GAST: variants seen among roughly 807,000 people sequenced by gnomAD.
GAST encodes preprogastrin.
Under a neutral mutation model 12.5 loss-of-function variants are expected in GAST, and 9 were observed. The ratio of observed to expected loss-of-function variants is 0.72; its 90% confidence interval spans 0.43 to 1.25. The LOEUF is 1.25. Ranked by LOEUF, GAST falls within the 50% of genes most tolerant of loss-of-function variation. GAST has a pLI of 0.00. For synonymous variants in GAST, 52 were observed against 51.1 expected (o/e 1.02, Z -0.08); for missense variants, 121 against 127.7 (o/e 0.95, Z 0.25).
In GAST at chr17:41,715,648, G is replaced by A. The variant is rs1555585805; in HGVS notation, c.211+1G>A. The A allele has an allele frequency of 6.2e-7, 1 of 1,613,212 alleles. No homozygotes were observed. Among genetic ancestry groups the A allele is most frequent in the Non-Finnish European group, 8.5e-7 (1 of 1,179,540 alleles). ...CAGGGTCCCCCACACCTCGTGGCAG[G>A]TAGGAGCTGCTGACTGCCCTGCTTG... On this transcript the variant is annotated splice_donor_variant, in intron 2 of 2. Transcript: ENST00000329402. LOFTEE classifies it high-confidence loss of function.
chr17:41,712,826 C>T (rs1373089210), intron 1 of GAST, among the ~76,000 whole-genome samples: 2 of 152,210 alleles, frequency 1.3e-5, no homozygotes, highest in Non-Finnish European at 2.9e-5. Context: ...TCCAAAAGAA[C>T]GTCCTATGAT....
chr17:41,714,441 G>A (rs1235843322), intron 1 of GAST, among the ~76,000 whole-genome samples: 5 of 152,060 alleles, frequency 3.3e-5, no homozygotes, highest in Non-Finnish European at 4.4e-5. Flanking sequence ...CCAAAGTGCT[G>A]GGATTACCAT....
chr17:41,715,193 T>TGGA (rs1910941331), intron 1 of GAST, among the ~76,000 whole-genome samples: 1 of 151,788 alleles, frequency 6.6e-6, no homozygotes, highest in Non-Finnish European at 1.5e-5. Context: ...ACAGATATTC[T>TGGA]GGAGGCTGAG....
Position 41,715,960 on chromosome 17 carries a change from T to C in GAST, c.*88T>C. The stretch of plus-strand genomic sequence containing the variant: ...AAAAACTGATCAAAAATAAACTAGT[T>C]TCCAGTGGATCAATGGACTGTGTCA... On this transcript the variant is annotated 3_prime_UTR_variant, in exon 3 of 3. Transcript: ENST00000329402. 1.0e-6 allele frequency: 1 copy of C among 957,418 alleles called. No homozygotes were observed. The highest frequency in any genetic ancestry group is 1.6e-6 in the Non-Finnish European group (1 of 640,940). 59.3% of individuals were successfully genotyped at this position (957,418 alleles called of 1,614,324 possible).
Position 41,715,892 on chromosome 17 carries a change from C to G in GAST, c.*20C>G, listed in dbSNP as rs896374794. On this transcript the variant is annotated 3_prime_UTR_variant, in exon 3 of 3. Coordinates refer to ENST00000329402, the MANE Select transcript of GAST (RefSeq NM_000805.5). ...AACTAACAATCCTAGAACCAAGCTT[C>G]AGAGCCTAGCCACCTCCCACCCCAC... 5 of 1,570,378 alleles carry G rather than the reference C, an allele frequency of 3.2e-6. No homozygotes were observed. In the African/African-American group the frequency reaches 6.9e-5, roughly 22 times the overall value.
chr17:41,715,531 C>T lies in GAST; in HGVS notation c.95C>T (p.Ala32Val), dbSNP rs1555585759. Residue 32 changes from alanine (A) to valine (V), a missense_variant, in exon 2 of 3, where the codon GCA (alanine) becomes GTA (valine). Physicochemically the swap from Ala to Val is moderately conservative, Grantham distance 64 (BLOSUM62 0). Transcript: ENST00000329402. ...SWKPRSQQPDAPLGTGANRDL... is the reference protein window; with the variant it reads ...SWKPRSQQPDVPLGTGANRDL... The stretch of plus-strand genomic sequence containing the variant: ...AAGCCCCGCTCCCAGCAGCCAGATG[C>T]ACCCTTAGGTACAGGGGCCAACAGG... 6.2e-7 allele frequency: 1 copy of T among 1,613,600 alleles called. No homozygotes were observed. The highest frequency in any genetic ancestry group is 2.2e-5 in the East Asian group (1 of 44,864).
At chr17:41,714,630 C>T (rs537646337) in intron 1 of GAST, among the ~76,000 whole-genome samples, 2 of 152,102 alleles carry the variant, frequency 1.3e-5, no homozygotes, top group Non-Finnish European at 2.9e-5. Context: ...AAAAAATTAG[C>T]TGGACGTGGT....
Position 41,715,866 on chromosome 17 carries a change from G to A in GAST, c.300G>A (p.Glu100=). 1 of 1,602,620 alleles carries A rather than the reference G, an allele frequency of 6.2e-7. No individual in the cohort carries two copies. Among genetic ancestry groups the A allele is most frequent in the Non-Finnish European group, 8.5e-7 (1 of 1,176,158 alleles). Residue 100 remains glutamate, a synonymous_variant, in exon 3 of 3, where the codon GAG becomes GAA. Coordinates refer to ENST00000329402, the MANE Select transcript of GAST (RefSeq NM_000805.5). ...MDFGRRSAED[E]N The stretch of plus-strand genomic sequence containing the variant: ...TCGGCCGCCGCAGTGCTGAGGATGA[G>A]AACTAACAATCCTAGAACCAAGCTT...
chr17:41,715,672 T>G (rs1460949852), intron 2 of GAST, 25 bp downstream of exon 2: 1 of 1,609,986 alleles, frequency 6.2e-7, no homozygotes, highest in African/African-American at 1.3e-5. Flanking sequence ...CTGCCCTGCT[T>G]GCCTCACTTG....
At position 41,715,954 on chromosome 17, in the gene GAST, A is replaced by C; in HGVS notation, c.*82A>C. ...CCCCTGAAAAACTGATCAAAAATAA[A>C]CTAGTTTCCAGTGGATCAATGGACT... On this transcript the variant is annotated 3_prime_UTR_variant, in exon 3 of 3. Coordinates refer to ENST00000329402, the MANE Select transcript of GAST (RefSeq NM_000805.5). 9.1e-7 allele frequency: 1 copy of C among 1,102,208 alleles called. No homozygotes were observed. 68.3% of individuals were successfully genotyped at this position (1,102,208 alleles called of 1,614,324 possible).
chr17:41,715,809 GGAA>G lies in GAST; in HGVS notation c.254_256del (p.Glu85del), dbSNP rs781866901. 2.6e-5 allele frequency: 42 copies of G among 1,611,966 alleles called. No individual in the cohort carries two copies. The highest frequency in any genetic ancestry group is 1.7e-4 in the Middle Eastern group (1 of 6,042). ...CCAAGAAGCAGGGACCATGGCTGGA[GGAA>G]GAAGAAGAAGCCTATGGATGGATGG... is the stretch of plus-strand genomic sequence containing the variant. On this transcript the variant is annotated inframe_deletion, in exon 3 of 3. Coordinates refer to ENST00000329402, the MANE Select transcript of GAST (RefSeq NM_000805.5).
At chr17:41,713,506 C>T (rs1555585443) in intron 1 of GAST, among the ~76,000 whole-genome samples, 2 of 152,020 alleles carry the variant, frequency 1.3e-5, no homozygotes, top group Non-Finnish European at 2.9e-5. Flanking sequence ...GCCTGGGCAA[C>T]ATAGTGAGAC....
chr17:41,714,918 A>T (rs1910934982), intron 1 of GAST, among the ~76,000 whole-genome samples: 2 of 152,350 alleles, frequency 1.3e-5, no homozygotes, highest in South Asian at 4.1e-4. Flanking sequence ...GGGTAGGTAA[A>T]GAGAAAAAAC....
At chr17:41,713,420 G>A (rs1261022074) in intron 1 of GAST, among the ~76,000 whole-genome samples, 1 of 152,112 alleles carries the variant, frequency 6.6e-6, no homozygotes, top group African/African-American at 2.4e-5. Flanking sequence ...GCCAGGCACC[G>A]TGGCTCATGC....
At chr17:41,714,933 G>C (rs781875173) in intron 1 of GAST, among the ~76,000 whole-genome samples, 22 of 152,264 alleles carry the variant, frequency 1.4e-4, no homozygotes, top group South Asian at 4.1e-4. Context: ...AAAAACACAA[G>C]ACTTCGGGGC....
intron 1 of GAST, among the ~76,000 whole-genome samples, chr17:41,712,762 T>C (rs921587520): frequency 6.6e-6 from 1 of 152,152 alleles, no homozygotes; most frequent in Non-Finnish European, 1.5e-5. Flanking sequence ...AAGGCTGGGA[T>C]AGGAATCCAC....
intron 1 of GAST, among the ~76,000 whole-genome samples, chr17:41,715,223 C>T (rs1380496744): frequency 6.6e-6 from 1 of 151,972 alleles, no homozygotes; most frequent in African/African-American, 2.4e-5. Flanking sequence ...TCACTTGAAC[C>T]CGGGAGGCGG....
At chr17:41,714,619 A>G (rs1263538726) in intron 1 of GAST, among the ~76,000 whole-genome samples, 1 of 151,936 alleles carries the variant, frequency 6.6e-6, no homozygotes, top group African/African-American at 2.4e-5. Flanking sequence ...AAAAAATACA[A>G]AAAAAATTAG....
chr17:41,714,608 C>T (rs747169102), intron 1 of GAST, among the ~76,000 whole-genome samples: 3 of 150,196 alleles, frequency 2.0e-5, no homozygotes, highest in Non-Finnish European at 2.9e-5. Flanking sequence ...CCTGTTTCTA[C>T]AAAAAATACA....
Sources: allele counts gnomAD v4.1 joint callset (sites outside exome capture counted in the v4.1 genomes callset), GRCh38; gene constraint gnomAD v4.1.1; transcripts MANE v1.5; gene names NCBI Gene and HGNC (gene_info 2026-07-23, HGNC 2026-07-21).